Variants in BABAM2 observed in about 807,000 individuals in gnomAD.
The protein encoded by BABAM2 is BRISC and BRCA1 A complex member 2.
Under a neutral mutation model 54.7 loss-of-function variants are expected in BABAM2, and 31 were observed. The ratio of observed to expected loss-of-function variants is 0.57; its 90% CI spans 0.43 to 0.77. The LOEUF (loss-of-function observed/expected upper bound fraction) is 0.77. BABAM2 is among the 30% of genes least tolerant of loss of function. The probability of loss-of-function intolerance (pLI) is 0.00; values close to 1 mark genes in which losing one functional copy is unlikely to be tolerated. For synonymous variants in BABAM2, 167 were observed against 162.9 expected (o/e 1.03, Z -0.19); for missense variants, 364 against 455.8 (o/e 0.80, Z 1.83).
At chr2:27,907,657 T>C (rs1218444879) in intron 2 of BABAM2, among the ~76,000 whole-genome samples, 1 of 152,180 alleles carries the variant, frequency 6.6e-6, no homozygotes, top group East Asian at 1.9e-4. Flanking sequence ...GCTGAAACTC[T>C]CTACCATTAA....
chr2:28,169,356 T>C (rs918413560), intron 7 of BABAM2, among the ~76,000 whole-genome samples: 1 of 152,274 alleles, frequency 6.6e-6, no homozygotes, highest in Admixed American at 6.5e-5. Context: ...AAACCTTTAA[T>C]ACTTTCATAC....
intron 7 of BABAM2, among the ~76,000 whole-genome samples, chr2:28,224,141 C>G (rs868453914): frequency 6.6e-6 from 1 of 152,216 alleles, no homozygotes; most frequent in African/African-American, 2.4e-5. Flanking sequence ...TTAATTTACC[C>G]AGTTAATCAC....
chr2:28,287,105 C>T (rs188871886), intron 10 of BABAM2, among the ~76,000 whole-genome samples: 43 of 152,306 alleles, frequency 2.8e-4, no homozygotes, highest in African/African-American at 9.4e-4. Context: ...TAACCACAGA[C>T]ACCTCATTTG....
intron 5 of BABAM2, among the ~76,000 whole-genome samples, chr2:28,030,322 G>A (rs1676200286): frequency 6.6e-6 from 1 of 152,084 alleles, no homozygotes; most frequent in African/African-American, 2.4e-5. Flanking sequence ...ACCTACTACT[G>A]CTACACTTAT....
At chr2:27,925,815 G>A (rs1200591605) in intron 2 of BABAM2, among the ~76,000 whole-genome samples, 1 of 152,116 alleles carries the variant, frequency 6.6e-6, no homozygotes, top group Non-Finnish European at 1.5e-5. Context: ...GCTCTCATGC[G>A]CCTGAGTGTG....
At chr2:27,917,014 C>CTTT (rs753765833) in intron 2 of BABAM2, among the ~76,000 whole-genome samples, 54 of 90,080 alleles carry the variant, frequency 6.0e-4, no homozygotes, top group Non-Finnish European at 6.6e-4. Context: ...TCACTCCAAA[C>CTTT]TTTTTTTTTT....
intron 3 of BABAM2, among the ~76,000 whole-genome samples, chr2:27,960,947 A>C (rs1446619539): frequency 6.6e-6 from 1 of 152,248 alleles, no homozygotes; most frequent in African/African-American, 2.4e-5. Context: ...AATAGGAAGC[A>C]AACACACTAT....
intron 5 of BABAM2, among the ~76,000 whole-genome samples, chr2:28,045,146 T>C (rs1195485698): frequency 6.6e-6 from 1 of 152,224 alleles, no homozygotes; most frequent in Non-Finnish European, 1.5e-5. Flanking sequence ...TCCGTACCTC[T>C]TTCCTATAGA....
intron 6 of BABAM2, among the ~76,000 whole-genome samples, chr2:28,103,332 T>C (rs1030715978): frequency 2.0e-5 from 3 of 152,170 alleles, no homozygotes; most frequent in Admixed American, 6.5e-5. Flanking sequence ...TTTTGTTTTT[T>C]AGACAGGTTC....
chr2:27,999,923 T>TG (rs1230408503), intron 4 of BABAM2, among the ~76,000 whole-genome samples: 1 of 152,198 alleles, frequency 6.6e-6, no homozygotes, highest in Non-Finnish European at 1.5e-5. Context: ...TTGCTTTGTG[T>TG]GCTTTTGGTA....
chr2:28,295,874 A>C (rs13026892), intron 10 of BABAM2, among the ~76,000 whole-genome samples: 2 of 152,156 alleles, frequency 1.3e-5, no homozygotes, highest in Admixed American at 6.5e-5. Flanking sequence ...TTGGGAGGCC[A>C]AGGTGGGTGG....
At chr2:28,144,769 A>T (rs1671351553) in intron 7 of BABAM2, among the ~76,000 whole-genome samples, 1 of 152,212 alleles carries the variant, frequency 6.6e-6, no homozygotes, top group Admixed American at 6.5e-5. Context: ...AGTGTGCACA[A>T]TAGACCTTTG....
At position 28,210,186 on chromosome 2, in the gene BABAM2, C is replaced by T. The variant is rs556735297; in HGVS notation, c.681-27016C>T. On this transcript the variant is annotated intron_variant, in intron 7 of 11. Transcript: ENST00000379624. ...GCCTGCAAGGGAAGGCCTGTCCTCC[C>T]TGGTTCTCCTCCCTGCTTTCCTGCC... 2.6e-5 allele frequency among the ~76,000 whole-genome samples: 4 copies of T among 152,320 alleles called. No individual in the cohort carries two copies. The South Asian group carries it at 8.3e-4, about 32-fold the overall frequency.
In BABAM2 at chr2:28,183,739, T is replaced by TCACACACACACACACACACACA. The variant is rs1286120518; in HGVS notation, c.681-53449_681-53428dup. ...ATTTTATGTTACTTTTGGATGAAGA[T>TCACACACACACACACACACACA]CACACACACACACACACACACACAC... On this transcript the variant is annotated intron_variant, in intron 7 of 11. Transcript: ENST00000379624. Among the ~76,000 whole-genome samples the TCACACACACACACACACACACA allele has an allele frequency of 1.4e-3, 180 of 133,214 alleles. 1 individual carries two copies. The highest frequency in any genetic ancestry group is 4.0e-3 in the Middle Eastern group (1 of 252). The allele number at this position is 133,214 out of a possible 152,430, so 87.4% of individuals were successfully genotyped here.
At chr2:28,173,391 C>A (rs1372616558) in intron 7 of BABAM2, among the ~76,000 whole-genome samples, 1 of 152,198 alleles carries the variant, frequency 6.6e-6, no homozygotes, top group Non-Finnish European at 1.5e-5. Flanking sequence ...GACTTCAGCT[C>A]AGGACCAGGT....
At chr2:28,261,764 C>T (rs1228790270) in intron 10 of BABAM2, among the ~76,000 whole-genome samples, 5 of 150,674 alleles carry the variant, frequency 3.3e-5, no homozygotes, top group Non-Finnish European at 5.9e-5. Context: ...CCCTCTCCTC[C>T]TTTCCCCTCC....
chr2:28,016,391 T>C, intron 4 of BABAM2: 2 of 1,395,434 alleles, frequency 1.4e-6, no homozygotes, highest in South Asian at 1.2e-5. Context: ...CAGATAATCC[T>C]GTATTTTTGG....
intron 7 of BABAM2, among the ~76,000 whole-genome samples, chr2:28,156,799 A>C (rs1672579498): frequency 6.6e-6 from 1 of 152,184 alleles, no homozygotes; most frequent in Non-Finnish European, 1.5e-5. Context: ...GAATTGAAAA[A>C]AAATTGCCTT....
chr2:27,956,739 T>A (rs1385804111), intron 3 of BABAM2, among the ~76,000 whole-genome samples: 1 of 152,150 alleles, frequency 6.6e-6, no homozygotes, highest in African/African-American at 2.4e-5. Context: ...ATAGAGCAGG[T>A]TGACATACAT....
Sources: gnomAD v4.1 joint callset for allele counts (sites outside exome capture counted in the v4.1 genomes callset) on GRCh38, gnomAD v4.1.1 for gene constraint, MANE v1.5 for transcripts, NCBI Gene and HGNC (gene_info 2026-07-23, HGNC 2026-07-21) for gene names.